The following VPS13A variants were observed in gnomAD, a reference collection of about 807,000 sequenced individuals.
VPS13A encodes the protein intermembrane lipid transfer protein VPS13A.
Under a neutral mutation model 390.9 loss-of-function variants are expected in VPS13A, and 264 were observed. The observed-to-expected ratio is 0.68, with a 90% CI of 0.61 to 0.75. The LOEUF is 0.75. Among genes scored for constraint, VPS13A ranks in the 30% least tolerant of loss-of-function variants. The pLI is 0.00. For missense variants in VPS13A, 3,409 were observed against 3,733.9 expected (o/e 0.91, Z 2.27); for synonymous variants, 1,231 against 1,227.1 (o/e 1.00, Z -0.07).
intron 33 of VPS13A, among the ~76,000 whole-genome samples, chr9:77,301,085 AC>A (rs1828322096): frequency 6.6e-6 from 1 of 152,236 alleles, no homozygotes; most frequent in African/African-American, 2.4e-5. Context: ...ATTGGGTAGT[AC>A]TGATAAGAAA....
intron 71 of VPS13A, among the ~76,000 whole-genome samples, chr9:77,411,254 C>T (rs1834905725): frequency 6.6e-6 from 1 of 152,042 alleles, no homozygotes; most frequent in African/African-American, 2.4e-5. Context: ...AACAAAGACA[C>T]AACATAGCAG....
intron 50 of VPS13A, 85 bp downstream of exon 50, chr9:77,340,635 T>G: frequency 6.5e-7 from 1 of 1,529,184 alleles, no homozygotes; most frequent in Non-Finnish European, 9.0e-7. Flanking sequence ...ATGTAATGTT[T>G]TAACTCTCCC....
Position 77,309,191 on chromosome 9 carries a change from T to C in VPS13A, c.4114+1093T>C, listed in dbSNP as rs544680177. On this transcript the variant is annotated intron_variant, in intron 35 of 71. Coordinates refer to ENST00000360280, the MANE Select transcript of VPS13A (RefSeq NM_033305.3). ...AGGAGAGTTGCTGGAAATCCAAATATTATTGCTGAAAATTTGAAACAAAAA... is the reference window on the plus strand; with the variant it reads ...AGGAGAGTTGCTGGAAATCCAAATACTATTGCTGAAAATTTGAAACAAAAA... Among the ~76,000 whole-genome samples the C allele has an allele frequency of 1.4e-4, 21 of 152,282 alleles. No individual in the cohort carries two copies. In the South Asian group the frequency reaches 3.5e-3, roughly 26 times the overall value.
chr9:77,330,782 TA>T (rs58028752), intron 45 of VPS13A, among the ~76,000 whole-genome samples: 1,852 of 147,096 alleles, frequency 0.013, 28 homozygotes, highest in African/African-American at 0.03. Flanking sequence ...TCCCTCAAAT[TA>T]AAAAAAAAAA....
chr9:77,376,880 A>G (rs954053110), intron 67 of VPS13A, among the ~76,000 whole-genome samples: 2 of 152,150 alleles, frequency 1.3e-5, no homozygotes, highest in African/African-American at 2.4e-5. Flanking sequence ...AGGCACACCA[A>G]CTCTTAGAAG....
intron 68 of VPS13A, among the ~76,000 whole-genome samples, chr9:77,395,408 C>A (rs549093086): frequency 2.0e-5 from 3 of 152,058 alleles, no homozygotes; most frequent in Non-Finnish European, 4.4e-5. Flanking sequence ...TCAAAAAGGA[C>A]TATAAAATAG....
chr9:77,382,512 AT>A, intron 68 of VPS13A: 1 of 1,263,998 alleles, frequency 7.9e-7, no homozygotes, highest in Non-Finnish European at 1.0e-6. Flanking sequence ...TTTGTACCTT[AT>A]GTATCCTCGT....
At position 77,321,608 on chromosome 9, in the gene VPS13A, G is replaced by A. The variant is rs1829753389; in HGVS notation, c.5692G>A (p.Val1898Ile). The change falls in exon 44 of 72, where the codon GTA (valine) becomes ATA (isoleucine). Residue 1898 changes from valine (V) to isoleucine (I), a missense_variant. Around this residue, in one of 5 missense-constraint regions of VPS13A, gnomAD observed 2,717 missense variants for 2,917.4 expected, o/e 0.93. Transcript: ENST00000360280. ...TGTTTCGCCAAGTGATTCTTTTAGT[G>A]TACTCAACATTCCTATGGCAAAATC... ...ISVSPSDSFS[V>I]LNIPMAKSYV... 6.2e-7 allele frequency: 1 copy of A among 1,613,380 alleles called. No homozygotes were observed. The highest frequency in any genetic ancestry group is 8.5e-7 in the Non-Finnish European group (1 of 1,179,594).
intron 31 of VPS13A, among the ~76,000 whole-genome samples, chr9:77,287,721 G>A (rs888460933): frequency 6.6e-6 from 1 of 152,176 alleles, no homozygotes; most frequent in South Asian, 2.1e-4. Flanking sequence ...GTGGATTTGA[G>A]CCCTGTTGAA....
intron 31 of VPS13A, among the ~76,000 whole-genome samples, chr9:77,283,896 A>G (rs1157917477): frequency 6.6e-6 from 1 of 151,838 alleles, no homozygotes; most frequent in African/African-American, 2.4e-5. Context: ...TATCTCATAA[A>G]TGAGATAAGT....
chr9:77,220,462 C>T lies in VPS13A; in HGVS notation c.989+79C>T, dbSNP rs1388496899. 12 of 983,814 alleles carry T rather than the reference C, an allele frequency of 1.2e-5. No individual in the cohort carries two copies. The African/African-American group carries it at 1.8e-4, about 15-fold the overall frequency. The allele number at this position is 983,814 out of a possible 1,614,324, so 60.9% of individuals were successfully genotyped here. A position where few individuals can be genotyped will look rare whatever the true frequency, so the allele number is the denominator to read the frequency against. ...TAAATTTCTCGACTTCAAGAATAAT[C>T]TTTAAGATATACCATTTTTAAGGTC... On this transcript the variant is annotated intron_variant, in intron 12 of 71. Transcript: ENST00000360280.
At chr9:77,382,657 C>A (rs1833503003) in intron 68 of VPS13A, 4 of 1,001,180 alleles carry the variant, frequency 4.0e-6, no homozygotes, top group Non-Finnish European at 4.8e-6. Context: ...CTCAGGAACA[C>A]TGCTATTGTG....
At chr9:77,411,098 A>G (rs1834897085) in intron 71 of VPS13A, among the ~76,000 whole-genome samples, 1 of 152,244 alleles carries the variant, frequency 6.6e-6, no homozygotes, top group Admixed American at 6.5e-5. Context: ...CTCTCAGACC[A>G]TAGTGCAATC....
intron 58 of VPS13A, among the ~76,000 whole-genome samples, chr9:77,359,929 T>G (rs1304600714): frequency 6.6e-6 from 1 of 152,138 alleles, no homozygotes; most frequent in Non-Finnish European, 1.5e-5. Flanking sequence ...GTTTTTTGTT[T>G]GGGGTTGTCT....
chr9:77,326,186 TTTTC>T (rs1830010076), intron 45 of VPS13A, among the ~76,000 whole-genome samples: 1 of 152,206 alleles, frequency 6.6e-6, no homozygotes, highest in Admixed American at 6.5e-5. Flanking sequence ...TTGAGATTTT[TTTTC>T]TTTATCATTG....
intron 13 of VPS13A, among the ~76,000 whole-genome samples, chr9:77,224,894 G>A (rs1210886664): frequency 6.6e-6 from 1 of 152,172 alleles, no homozygotes; most frequent in Non-Finnish European, 1.5e-5. Context: ...TTAAGAGATT[G>A]CAATAGCCAC....
chr9:77,315,740 T>G (rs1322730471), intron 38 of VPS13A, among the ~76,000 whole-genome samples: 1 of 152,092 alleles, frequency 6.6e-6, no homozygotes, highest in Non-Finnish European at 1.5e-5. Flanking sequence ...TTGAAGGAAT[T>G]TGTCTAGTGG....
At chr9:77,388,540 C>T (rs903811893) in intron 68 of VPS13A, among the ~76,000 whole-genome samples, 21 of 151,520 alleles carry the variant, frequency 1.4e-4, no homozygotes, top group African/African-American at 5.1e-4. Flanking sequence ...TTAAAACACA[C>T]GTTTAACAGT....
intron 68 of VPS13A, among the ~76,000 whole-genome samples, chr9:77,393,892 C>T (rs1834005710): frequency 6.6e-6 from 1 of 152,112 alleles, no homozygotes; most frequent in Non-Finnish European, 1.5e-5. Flanking sequence ...TCTCGGCCTC[C>T]TGAGTAGCTG....
Sources: gnomAD v4.1 joint callset for allele counts (sites outside exome capture counted in the v4.1 genomes callset) on GRCh38, gnomAD v4.1.1 for gene constraint, gnomAD v4.1.1 regional missense constraint, MANE v1.5 for transcripts, NCBI Gene and HGNC (gene_info 2026-07-23, HGNC 2026-07-21) for gene names.